GALNT17: variants seen among roughly 807,000 people sequenced by gnomAD.
GALNT17 encodes UDP-GalNAc:polypeptide N-acetylgalactosaminyltransferase-like 3.
In GALNT17, 29 loss-of-function variants were observed where a neutral mutation model predicts 63.7. The observed-to-expected ratio is 0.46, with a 90% CI of 0.34 to 0.62. The LOEUF (loss-of-function observed/expected upper bound fraction) is 0.62. Among genes scored for constraint, GALNT17 ranks in the 20% least tolerant of loss-of-function variants. GALNT17 has a pLI of 0.01. For synonymous variants in GALNT17, 305 were observed against 318.3 expected, an observed-to-expected ratio of 0.96 and a Z score of 0.45; for missense variants, 603 against 799.6, an observed-to-expected ratio of 0.75 and a Z score of 2.97.
intron 1 of GALNT17, among the ~76,000 whole-genome samples, chr7:71,262,179 A>G (rs1045573081): frequency 2.0e-5 from 3 of 151,742 alleles, no homozygotes; most frequent in African/African-American, 7.3e-5. Flanking sequence ...TGGTGCGATC[A>G]TAGCTCACTG....
chr7:71,236,298 G>A (rs1789890150), intron 1 of GALNT17, among the ~76,000 whole-genome samples: 1 of 152,060 alleles, frequency 6.6e-6, no homozygotes, highest in Non-Finnish European at 1.5e-5. Flanking sequence ...CCTATCTCAG[G>A]GTATTTTAAT....
intron 5 of GALNT17, among the ~76,000 whole-genome samples, chr7:71,542,365 C>T (rs1022922115): frequency 1.3e-5 from 2 of 151,966 alleles, no homozygotes; most frequent in African/African-American, 4.8e-5. Flanking sequence ...AATCCACTTG[C>T]TTTGCTGCTG....
intron 5 of GALNT17, among the ~76,000 whole-genome samples, chr7:71,439,943 C>CTTTT (rs370145707): frequency 8.1e-6 from 1 of 123,398 alleles, no homozygotes. Context: ...TCCAGGCCCT[C>CTTTT]TTTTTTTTTT....
At chr7:71,442,779 G>A (rs1002040009) in intron 5 of GALNT17, among the ~76,000 whole-genome samples, 7 of 152,136 alleles carry the variant, frequency 4.6e-5, no homozygotes, top group Admixed American at 2.6e-4. Context: ...TACCAGTCAC[G>A]CTTGATAAAG....
intron 6 of GALNT17, among the ~76,000 whole-genome samples, chr7:71,592,544 A>AAAATAAAATAGCATAGC (rs1554313232): frequency 2.6e-5 from 3 of 115,354 alleles, no homozygotes; most frequent in African/African-American, 9.7e-5. Flanking sequence ...AATAAAATAA[A>AAAATAAAATAGCATAGC]ATAGCATAGC....
At chr7:71,461,686 A>T (rs116729558) in intron 5 of GALNT17, among the ~76,000 whole-genome samples, 6 of 152,318 alleles carry the variant, frequency 3.9e-5, no homozygotes, top group African/African-American at 1.4e-4. Flanking sequence ...CAGGGGAGGA[A>T]TGAGGCAGTC....
intron 6 of GALNT17, among the ~76,000 whole-genome samples, chr7:71,613,230 C>T (rs975777675): frequency 2.0e-5 from 3 of 152,244 alleles, no homozygotes; most frequent in Non-Finnish European, 2.9e-5. Context: ...ATGGTACATT[C>T]GTATGTGATA....
At chr7:71,308,605 A>G (rs1319682515) in intron 1 of GALNT17, among the ~76,000 whole-genome samples, 1 of 152,134 alleles carries the variant, frequency 6.6e-6, no homozygotes, top group Non-Finnish European at 1.5e-5. Context: ...CTGTATCCCC[A>G]GAACCTTGCA....
chr7:71,463,827 G>A (rs1787491973), intron 5 of GALNT17, among the ~76,000 whole-genome samples: 2 of 152,166 alleles, frequency 1.3e-5, no homozygotes, highest in Admixed American at 6.5e-5. Context: ...GAGCAGTGAG[G>A]ACAACCAGAC....
intron 5 of GALNT17, among the ~76,000 whole-genome samples, chr7:71,531,237 A>G (rs1375493865): frequency 2.6e-5 from 4 of 152,316 alleles, no homozygotes; most frequent in African/African-American, 9.6e-5. Flanking sequence ...GCATCAATTA[A>G]AAATAATAGT....
intron 5 of GALNT17, among the ~76,000 whole-genome samples, chr7:71,548,286 CTCTT>C: frequency 6.6e-6 from 1 of 151,488 alleles, no homozygotes; most frequent in Non-Finnish European, 1.5e-5. Context: ...CTTTGTTCAT[CTCTT>C]TGTTTTCTTG....
intron 1 of GALNT17, among the ~76,000 whole-genome samples, chr7:71,189,219 G>C (rs1788906321): frequency 6.6e-6 from 1 of 151,810 alleles, no homozygotes; most frequent in South Asian, 2.1e-4. Context: ...CTTTTTTCTT[G>C]GTTCTCATTC....
intron 1 of GALNT17, among the ~76,000 whole-genome samples, chr7:71,298,308 C>T (rs1791120908): frequency 6.6e-6 from 1 of 152,164 alleles, no homozygotes. Context: ...GCGTGAGCCA[C>T]CACACCTGTC....
At chr7:71,145,323 C>A in intron 1 of GALNT17, among the ~76,000 whole-genome samples, 1 of 152,096 alleles carries the variant, frequency 6.6e-6, no homozygotes, top group East Asian at 1.9e-4. Flanking sequence ...AGCGAGACTC[C>A]ATTGCTACAA....
intron 2 of GALNT17, among the ~76,000 whole-genome samples, chr7:71,379,676 G>A (rs1792809036): frequency 6.6e-6 from 1 of 152,098 alleles, no homozygotes; most frequent in African/African-American, 2.4e-5. Flanking sequence ...ACAGGGTGGT[G>A]GCCTTCAGCA....
intron 1 of GALNT17, among the ~76,000 whole-genome samples, chr7:71,213,635 T>C (rs1173743175): frequency 1.8e-4 from 28 of 152,248 alleles, no homozygotes; most frequent in Admixed American, 1.7e-3. Flanking sequence ...TATCCATGTG[T>C]AACAGATTTC....
intron 2 of GALNT17, among the ~76,000 whole-genome samples, chr7:71,352,227 G>T (rs1281482756): frequency 6.6e-6 from 1 of 152,182 alleles, no homozygotes; most frequent in South Asian, 2.1e-4. Flanking sequence ...TCTTGCCGCT[G>T]CCATGTAAGC....
chr7:71,282,582 T>C (rs1357091571), intron 1 of GALNT17, among the ~76,000 whole-genome samples: 1 of 152,030 alleles, frequency 6.6e-6, no homozygotes, highest in Non-Finnish European at 1.5e-5. Flanking sequence ...AAAAGGAAAA[T>C]CCTGCATAAG....
Position 71,232,070 on chromosome 7 carries a change from G to T in GALNT17, c.238+99030G>T, listed in dbSNP as rs191737398. ...ATTCAGAGTCACCATTTGCTTTGGAGAATTCTAGGATTGCTACATAGACCA... is the reference window on the plus strand; with the variant it reads ...ATTCAGAGTCACCATTTGCTTTGGATAATTCTAGGATTGCTACATAGACCA... On this transcript the variant is annotated intron_variant, in intron 1 of 10. Transcript: ENST00000333538. Among the ~76,000 whole-genome samples, 40 of 152,288 alleles carry T rather than the reference G, an allele frequency of 2.6e-4. 3 individuals carry two copies. The East Asian group carries it at 3.3e-3, about 13-fold the overall frequency.
Sources: gnomAD v4.1 joint callset for allele counts (sites outside exome capture counted in the v4.1 genomes callset) on GRCh38, gnomAD v4.1.1 for gene constraint, MANE v1.5 for transcripts, NCBI Gene and HGNC (gene_info 2026-07-23, HGNC 2026-07-21) for gene names.